Variants in MAML2 observed in about 807,000 individuals in gnomAD.
The protein encoded by MAML2 is mastermind like transcriptional coactivator 2, also known as mastermind-like protein 2.
MAML2 carries 22 observed loss-of-function variants against 96.1 expected under a neutral mutation model. The observed-to-expected ratio is 0.23, with a 90% CI of 0.16 to 0.33. The LOEUF (loss-of-function observed/expected upper bound fraction) is 0.33. Among genes scored for constraint, MAML2 ranks in the 10% least tolerant of loss-of-function variants. The probability of loss-of-function intolerance (pLI) is 1.00; values close to 1 mark genes in which losing one functional copy is unlikely to be tolerated. For synonymous variants in MAML2, 561 were observed against 521.3 expected, an observed-to-expected ratio of 1.08 and a Z score of -1.04; for missense variants, 1,367 against 1,392.4, an observed-to-expected ratio of 0.98 and a Z score of 0.29.
chr11:96,161,249 G>C (rs2135889164), intron 1 of MAML2, among the ~76,000 whole-genome samples: 1 of 152,166 alleles, frequency 6.6e-6, no homozygotes, highest in African/African-American at 2.4e-5. Flanking sequence ...GGAAGGCAAG[G>C]GAATTAAATT....
At chr11:96,142,527 G>A (rs941767861) in intron 1 of MAML2, among the ~76,000 whole-genome samples, 3 of 152,202 alleles carry the variant, frequency 2.0e-5, no homozygotes, top group Admixed American at 6.5e-5. Flanking sequence ...TCAGGTTCCA[G>A]TACGATGTTA....
intron 1 of MAML2, among the ~76,000 whole-genome samples, chr11:96,223,395 T>C (rs1862168023): frequency 6.6e-6 from 1 of 152,204 alleles, no homozygotes; most frequent in African/African-American, 2.4e-5. Context: ...AACATTTATT[T>C]GTCAAGGTAG....
chr11:96,091,043 A>G (rs1005625742), intron 2 of MAML2, among the ~76,000 whole-genome samples: 11 of 152,228 alleles, frequency 7.2e-5, no homozygotes, highest in Non-Finnish European at 1.2e-4. Flanking sequence ...CCTGGGGATC[A>G]GGACTTACTC....
chr11:96,148,006 A>T (rs1860847833), intron 1 of MAML2, among the ~76,000 whole-genome samples: 1 of 152,234 alleles, frequency 6.6e-6, no homozygotes, highest in South Asian at 2.1e-4. Flanking sequence ...TATCTCCAGC[A>T]TTCCAGATAG....
At chr11:96,045,663 A>G (rs1858885245) in intron 2 of MAML2, among the ~76,000 whole-genome samples, 2 of 152,258 alleles carry the variant, frequency 1.3e-5, no homozygotes, top group Admixed American at 1.3e-4. Flanking sequence ...ATTTAAGAAC[A>G]GGTCACAGAG....
chr11:96,203,078 A>G (rs999521474), intron 1 of MAML2, among the ~76,000 whole-genome samples: 1 of 152,232 alleles, frequency 6.6e-6, no homozygotes, highest in Non-Finnish European at 1.5e-5. Context: ...CAGCAATTGC[A>G]AATGTAACAT....
intron 1 of MAML2, among the ~76,000 whole-genome samples, chr11:96,305,267 T>C (rs116802977): frequency 0.035 from 5,403 of 152,208 alleles, 180 homozygotes; most frequent in South Asian, 0.18. Context: ...TATGATAATA[T>C]AATGAAAGAT....
intron 1 of MAML2, among the ~76,000 whole-genome samples, chr11:96,213,996 T>C (rs184371755): frequency 1.5e-4 from 23 of 152,286 alleles, no homozygotes; most frequent in Non-Finnish European, 4.4e-5. Flanking sequence ...TGGACACAAA[T>C]GCCCAACTAC....
chr11:96,032,972 G>A (rs561898575), intron 2 of MAML2, among the ~76,000 whole-genome samples: 11 of 152,242 alleles, frequency 7.2e-5, no homozygotes, highest in East Asian at 1.9e-4. Context: ...ATACCTATGC[G>A]TTTGTCAAAA....
intron 2 of MAML2, among the ~76,000 whole-genome samples, chr11:96,049,163 T>A (rs1320399504): frequency 6.6e-6 from 1 of 152,198 alleles, no homozygotes; most frequent in African/African-American, 2.4e-5. Context: ...TTAAAAGGAC[T>A]TGGACAAGAT....
intron 1 of MAML2, among the ~76,000 whole-genome samples, chr11:96,311,609 G>A (rs1051532453): frequency 9.9e-5 from 15 of 152,160 alleles, no homozygotes; most frequent in African/African-American, 3.4e-4. Flanking sequence ...CCAAGCTGAG[G>A]TTCGAAACAC....
intron 2 of MAML2, among the ~76,000 whole-genome samples, chr11:96,003,643 TA>T (rs1290187253): frequency 6.6e-6 from 1 of 152,108 alleles, no homozygotes; most frequent in African/African-American, 2.4e-5. Flanking sequence ...TGTATAGGGG[TA>T]ATATTTAATA....
intron 1 of MAML2, among the ~76,000 whole-genome samples, chr11:96,098,967 C>G (rs991429165): frequency 4.0e-5 from 6 of 151,672 alleles, no homozygotes; most frequent in Non-Finnish European, 8.8e-5. Flanking sequence ...TGCCCCCATC[C>G]CTTTCCACAA....
chr11:96,134,831 A>C (rs777726879), intron 1 of MAML2, among the ~76,000 whole-genome samples: 1 of 152,214 alleles, frequency 6.6e-6, no homozygotes, highest in East Asian at 1.9e-4. Context: ...TTGCTACTCT[A>C]TCATGTATTA....
chr11:96,079,858 C>A (rs112330492), intron 2 of MAML2, among the ~76,000 whole-genome samples: 10 of 152,222 alleles, frequency 6.6e-5, no homozygotes, highest in East Asian at 5.8e-4. Flanking sequence ...AGTCGTAGGA[C>A]GACAGCTGTA....
intron 1 of MAML2, among the ~76,000 whole-genome samples, chr11:96,246,474 C>G (rs1862513669): frequency 6.6e-6 from 1 of 152,070 alleles, no homozygotes; most frequent in African/African-American, 2.4e-5. Flanking sequence ...CCTGGGGTGT[C>G]AAGGAGGGCG....
At chr11:95,998,296 C>G (rs1858029919) in intron 2 of MAML2, among the ~76,000 whole-genome samples, 1 of 152,094 alleles carries the variant, frequency 6.6e-6, no homozygotes. Flanking sequence ...ATCATTCAAC[C>G]TCTGCTAAAA....
At chr11:96,129,456 T>C (rs768947654) in intron 1 of MAML2, among the ~76,000 whole-genome samples, 11 of 152,132 alleles carry the variant, frequency 7.2e-5, no homozygotes, top group Non-Finnish European at 1.5e-4. Flanking sequence ...CAAACCACTG[T>C]TCTAGATCAT....
chr11:96,072,511 T>C (rs1445150756), intron 2 of MAML2, among the ~76,000 whole-genome samples: 1 of 152,214 alleles, frequency 6.6e-6, no homozygotes, highest in African/African-American at 2.4e-5. Flanking sequence ...GTCTCTAAGA[T>C]TCACACCACC....
Sources: gnomAD v4.1 joint callset for allele counts (sites outside exome capture counted in the v4.1 genomes callset) on GRCh38, gnomAD v4.1.1 for gene constraint, MANE v1.5 for transcripts, NCBI Gene and HGNC (gene_info 2026-07-23, HGNC 2026-07-21) for gene names.